Variants in DCK observed in about 807,000 individuals in gnomAD.
DCK encodes deoxycytidine kinase.
In DCK, 23 loss-of-function variants were observed where a neutral mutation model predicts 38.3. The ratio of observed to expected loss-of-function variants is 0.60; its 90% CI spans 0.43 to 0.85. DCK has a LOEUF of 0.85. DCK is among the 40% of genes least tolerant of loss of function. The probability of loss-of-function intolerance (pLI) is 0.00; values close to 1 mark genes in which losing one functional copy is unlikely to be tolerated. For missense variants in DCK, 259 were observed against 304.4 expected, an observed-to-expected ratio of 0.85 and a Z score of 1.11; for synonymous variants, 108 against 100.6, an observed-to-expected ratio of 1.07 and a Z score of -0.44.
chr4:71,002,675 A>G (rs1251978759), intron 2 of DCK, among the ~76,000 whole-genome samples: 1 of 152,046 alleles, frequency 6.6e-6, no homozygotes, highest in Non-Finnish European at 1.5e-5. Context: ...TAGGATAGTT[A>G]GCTCTTGTTG....
intron 2 of DCK, among the ~76,000 whole-genome samples, chr4:71,013,015 A>G (rs1740143883): frequency 6.6e-6 from 1 of 152,200 alleles, no homozygotes; most frequent in Non-Finnish European, 1.5e-5. Context: ...AAAAACCTTG[A>G]AAAAAGACGA....
At chr4:71,018,825 C>T (rs1325709111) in intron 2 of DCK, among the ~76,000 whole-genome samples, 1 of 151,882 alleles carries the variant, frequency 6.6e-6, no homozygotes. Flanking sequence ...GTGCACGCCA[C>T]CATACCTGGC....
intron 2 of DCK, among the ~76,000 whole-genome samples, chr4:71,015,735 C>T (rs941836815): frequency 2.6e-5 from 4 of 152,102 alleles, no homozygotes; most frequent in Admixed American, 6.6e-5. Flanking sequence ...ACTCAACAAC[C>T]CTTATGCTAA....
intron 2 of DCK, among the ~76,000 whole-genome samples, chr4:71,001,764 A>AT: frequency 6.6e-6 from 1 of 151,800 alleles, no homozygotes; most frequent in East Asian, 1.9e-4. Flanking sequence ...TTTCTAGTTT[A>AT]TTTGCGTGGA....
In DCK at chr4:70,993,826, A is replaced by C; in HGVS notation, c.-10A>C. ...GCCGGACGAGCTCTGGGCCGCCACA[A>C]GACTAAGGAATGGCCACCCCGCCCA... is the stretch of plus-strand genomic sequence containing the variant. On this transcript the variant is annotated 5_prime_UTR_variant, in exon 1 of 7. Coordinates refer to ENST00000286648, the MANE Select transcript of DCK (RefSeq NM_000788.3). 1.2e-6 allele frequency: 2 copies of C among 1,608,602 alleles called. No individual in the cohort carries two copies. The highest frequency in any genetic ancestry group is 1.7e-6 in the Non-Finnish European group (2 of 1,175,500).
chr4:71,020,652 A>G (rs945706235), intron 2 of DCK, among the ~76,000 whole-genome samples: 5 of 152,156 alleles, frequency 3.3e-5, no homozygotes, highest in African/African-American at 1.2e-4. Context: ...ATATTCCCAG[A>G]ATAATTAATT....
At chr4:71,013,020 A>C (rs551547315) in intron 2 of DCK, among the ~76,000 whole-genome samples, 7 of 152,168 alleles carry the variant, frequency 4.6e-5, no homozygotes, top group Non-Finnish European at 8.8e-5. Flanking sequence ...CCTTGAAAAA[A>C]GACGAATGGC....
At chr4:71,003,617 A>G (rs1739866004) in intron 2 of DCK, among the ~76,000 whole-genome samples, 1 of 152,218 alleles carries the variant, frequency 6.6e-6, no homozygotes, top group Admixed American at 6.5e-5. Flanking sequence ...GTCTTTTCAC[A>G]TAGTCCCATA....
chr4:71,019,238 A>C (rs1740347424), intron 2 of DCK, among the ~76,000 whole-genome samples: 1 of 152,184 alleles, frequency 6.6e-6, no homozygotes, highest in Admixed American at 6.5e-5. Context: ...TTTTAGAACT[A>C]GTTTATTATT....
At chr4:70,996,544 C>T (rs902556094) in intron 1 of DCK, among the ~76,000 whole-genome samples, 1 of 152,220 alleles carries the variant, frequency 6.6e-6, no homozygotes, top group Non-Finnish European at 1.5e-5. Flanking sequence ...GTCTCCCTGA[C>T]ACTGAGACTT....
chr4:71,017,054 T>C (rs1187297622), intron 2 of DCK, among the ~76,000 whole-genome samples: 4 of 152,170 alleles, frequency 2.6e-5, no homozygotes, highest in Non-Finnish European at 4.4e-5. Context: ...GGCTAATATC[T>C]AGAATCTACA....
chr4:70,998,677 A>C (rs1268647569), intron 2 of DCK, among the ~76,000 whole-genome samples: 2 of 152,112 alleles, frequency 1.3e-5, no homozygotes, highest in Non-Finnish European at 2.9e-5. Context: ...TAATCCCAGC[A>C]CTTTGGGAGG....
chr4:71,025,004 A>G (rs538114909), intron 4 of DCK, among the ~76,000 whole-genome samples: 1 of 152,146 alleles, frequency 6.6e-6, no homozygotes, highest in South Asian at 2.1e-4. Flanking sequence ...AATTATTGAA[A>G]AGAGAATTTA....
chr4:71,029,254 G>T, intron 6 of DCK, 98 bp from the exon 7 acceptor site: 1 of 686,346 alleles, frequency 1.5e-6, no homozygotes, highest in Non-Finnish European at 2.4e-6. Context: ...TATACAGCTG[G>T]GGTCTTCAAC....
chr4:71,018,575 A>C (rs977271460), intron 2 of DCK, among the ~76,000 whole-genome samples: 1 of 151,946 alleles, frequency 6.6e-6, no homozygotes, highest in Non-Finnish European at 1.5e-5. Flanking sequence ...ACTCTGACAC[A>C]TTCATATTTT....
chr4:70,996,814 A>G (rs994417765), intron 1 of DCK, among the ~76,000 whole-genome samples: 1 of 152,212 alleles, frequency 6.6e-6, no homozygotes, highest in African/African-American at 2.4e-5. Flanking sequence ...TCTCATCTTA[A>G]TAGTCTGTTC....
intron 2 of DCK, among the ~76,000 whole-genome samples, chr4:71,014,323 G>T (rs1740194934): frequency 6.6e-6 from 1 of 152,160 alleles, no homozygotes; most frequent in Non-Finnish European, 1.5e-5. Flanking sequence ...AATAATGGGA[G>T]ACTTTAACAC....
At chr4:71,028,410 A>C (rs907801816) in intron 6 of DCK, among the ~76,000 whole-genome samples, 1 of 152,082 alleles carries the variant, frequency 6.6e-6, no homozygotes, top group African/African-American at 2.4e-5. Flanking sequence ...TGGGCAACAT[A>C]GTGAGACCTC....
chr4:71,019,985 A>G (rs1740373176), intron 2 of DCK, among the ~76,000 whole-genome samples: 1 of 151,968 alleles, frequency 6.6e-6, no homozygotes, highest in Admixed American at 6.6e-5. Flanking sequence ...ACAGGGTTTC[A>G]CCATGTTGGC....
Sources: gnomAD v4.1 joint callset for allele counts (sites outside exome capture counted in the v4.1 genomes callset) on GRCh38, gnomAD v4.1.1 for gene constraint, MANE v1.5 for transcripts, NCBI Gene and HGNC (gene_info 2026-07-23, HGNC 2026-07-21) for gene names.